OVOL2: variants seen among roughly 807,000 people sequenced by gnomAD.
OVOL2 encodes ovo like zinc finger 2.
In OVOL2, 13 loss-of-function variants were observed where a neutral mutation model predicts 18.1. That is an observed-to-expected ratio of 0.72 (90% CI 0.47 to 1.14). OVOL2 has a LOEUF of 1.14. Among genes scored for constraint, OVOL2 ranks in the 50% most tolerant of loss-of-function variants. The probability of loss-of-function intolerance (pLI) is 0.00; values close to 1 mark genes in which losing one functional copy is unlikely to be tolerated. For missense variants in OVOL2, 335 were observed against 383.0 expected, an observed-to-expected ratio of 0.87 and a Z score of 1.05; for synonymous variants, 166 against 162.7, an observed-to-expected ratio of 1.02 and a Z score of -0.16.
At chr20:18,032,384 G>T (rs73094958) in intron 3 of OVOL2, among the ~76,000 whole-genome samples, 3 of 148,808 alleles carry the variant, frequency 2.0e-5, no homozygotes, top group Non-Finnish European at 3.0e-5. Flanking sequence ...GAAGGAGGAA[G>T]GAAGGAAGGA....
At position 18,057,649 on chromosome 20, in the gene OVOL2, T is replaced by C; in HGVS notation, c.-15A>G. On this transcript the variant is annotated 5_prime_UTR_variant, in exon 1 of 4. Transcript: ENST00000278780. This position sits in a 1 kb window ranked among gnomAD's most constrained non-coding sequence, Gnocchi z 6.3. The stretch of plus-strand genomic sequence containing the variant: ...ACTTTGGGCATGGTGGGGTCCCCTC[T>C]CCCGACTGCGGCCCCCTCCTCCCGG... 6.4e-7 allele frequency: 1 copy of C among 1,557,556 alleles called. No individual in the cohort carries two copies. The highest frequency in any genetic ancestry group is 8.7e-7 in the Non-Finnish European group (1 of 1,150,922).
rs11466923 is a variant in OVOL2 at position 18,034,626 on chromosome 20, T to TTCTCTCTCTCTCTC, written c.511+6894_511+6907dup. On this transcript the variant is annotated intron_variant, in intron 3 of 3. Transcript: ENST00000278780. ...TTTAACTAACACTCCCTTCCCCTCT[T>TTCTCTCTCTCTCTC]TCTCTCTCTCTCTCTCTCTCTCTCT... Among the ~76,000 whole-genome samples, 601 of 137,936 alleles carry TTCTCTCTCTCTCTC rather than the reference T, an allele frequency of 4.4e-3. 3 individuals carry two copies. The highest frequency in any genetic ancestry group is 0.014 in the African/African-American group (504 of 34,804). The allele number at this position is 137,936 out of a possible 152,430, so 90.5% of individuals were successfully genotyped here.
chr20:18,031,506 G>A (rs1009150199), intron 3 of OVOL2, among the ~76,000 whole-genome samples: 22 of 152,288 alleles, frequency 1.4e-4, no homozygotes, highest in African/African-American at 5.3e-4. Flanking sequence ...GAATCTGGGA[G>A]GCAGAGGTTG....
intron 3 of OVOL2, among the ~76,000 whole-genome samples, chr20:18,037,532 T>C (rs1036413969): frequency 9.8e-5 from 15 of 152,362 alleles, no homozygotes; most frequent in African/African-American, 3.1e-4. Flanking sequence ...TGCTAAATCT[T>C]CTGCCTCCCA....
chr20:18,039,607 C>CAAAAAA (rs111619803), intron 3 of OVOL2, among the ~76,000 whole-genome samples: 2 of 87,024 alleles, frequency 2.3e-5, no homozygotes, highest in Non-Finnish European at 4.9e-5. Context: ...GACGCTGTCT[C>CAAAAAA]AAAAAAAAAA....
At chr20:18,053,428 C>T (rs1024895095) in intron 2 of OVOL2, among the ~76,000 whole-genome samples, 15 of 152,132 alleles carry the variant, frequency 9.9e-5, no homozygotes, top group Admixed American at 2.0e-4. Context: ...TGGCAGGGCG[C>T]GGTGGCTCAC....
chr20:18,030,160 A>G (rs916165392), intron 3 of OVOL2, among the ~76,000 whole-genome samples: 2 of 152,226 alleles, frequency 1.3e-5, no homozygotes, highest in Non-Finnish European at 2.9e-5. Context: ...CTCCTAAGGA[A>G]TGCGCCCGCT....
intron 3 of OVOL2, among the ~76,000 whole-genome samples, chr20:18,031,146 C>T (rs2036566419): frequency 6.6e-6 from 1 of 152,192 alleles, no homozygotes; most frequent in East Asian, 1.9e-4. Context: ...CTACTGACAC[C>T]CACACGACTG....
intron 3 of OVOL2, among the ~76,000 whole-genome samples, chr20:18,027,602 T>C (rs1024145596): frequency 1.3e-5 from 2 of 151,946 alleles, no homozygotes; most frequent in African/African-American, 4.8e-5. Flanking sequence ...GGTTTTTTTG[T>C]TTTTTGTTTT....
In OVOL2 at chr20:18,024,606, T is replaced by G; in HGVS notation, c.*30A>C. The G allele has an allele frequency of 1.3e-6, 2 of 1,534,894 alleles. No individual in the cohort carries two copies. The highest frequency in any genetic ancestry group is 1.8e-6 in the Non-Finnish European group (2 of 1,137,220). ...AAATCCACGTAGACATACGTGGCAG[T>G]GTGAACGTCTGTCCTCCCCTTCCTT... On this transcript the variant is annotated 3_prime_UTR_variant, in exon 4 of 4. Coordinates refer to ENST00000278780, the MANE Select transcript of OVOL2 (RefSeq NM_021220.4).
chr20:18,041,156 T>C (rs932659090), intron 3 of OVOL2, among the ~76,000 whole-genome samples: 10 of 149,888 alleles, frequency 6.7e-5, no homozygotes, highest in African/African-American at 2.5e-4. Flanking sequence ...CATCATCTTG[T>C]GATCTTTCTT....
At chr20:18,052,585 G>A (rs949060317) in intron 2 of OVOL2, among the ~76,000 whole-genome samples, 2 of 152,168 alleles carry the variant, frequency 1.3e-5, no homozygotes, top group Non-Finnish European at 1.5e-5. Context: ...CTTTGAGATT[G>A]TAAATAATAC....
chr20:18,058,316 G>C (rs896571260), upstream of OVOL2, among the ~76,000 whole-genome samples: 1 of 152,016 alleles, frequency 6.6e-6, no homozygotes, highest in Non-Finnish European at 1.5e-5. Context: ...CGGTCAGAAG[G>C]GGGAGGCGGC....
upstream of OVOL2, among the ~76,000 whole-genome samples, chr20:18,058,111 C>G (rs1160580478): frequency 6.6e-6 from 1 of 152,182 alleles, no homozygotes; most frequent in African/African-American, 2.4e-5. Flanking sequence ...GCCCCATTCC[C>G]CCATCACCTG....
rs889858739 is a variant in OVOL2, at chr20:18,056,063, A to G, written c.321+594T>C. Among the ~76,000 whole-genome samples the G allele has an allele frequency of 4.6e-5, 7 of 152,198 alleles. No homozygotes were observed. The highest frequency in any genetic ancestry group is 1.7e-4 in the African/African-American group (7 of 41,454). ...TGTAGTTGAACCCTTTTACCCATCA[A>G]TTTAATTCAAGATTGGAAAGATGAC... is the stretch of plus-strand genomic sequence containing the variant. On this transcript the variant is annotated intron_variant, in intron 2 of 3. Coordinates refer to ENST00000278780, the MANE Select transcript of OVOL2 (RefSeq NM_021220.4). The surrounding 1 kb of genome is among the most constrained non-coding windows in gnomAD (Gnocchi z 4.2).
chr20:18,035,072 T>A (rs543697147), intron 3 of OVOL2, among the ~76,000 whole-genome samples: 1 of 152,304 alleles, frequency 6.6e-6, no homozygotes, highest in South Asian at 2.1e-4. Context: ...ATGTTAAGTG[T>A]CTATATCTTT....
chr20:18,041,374 A>G (rs529639468), intron 3 of OVOL2, among the ~76,000 whole-genome samples, 160 bp downstream of exon 3: 30 of 152,308 alleles, frequency 2.0e-4, no homozygotes, highest in African/African-American at 7.0e-4. Context: ...TATGTTGGCC[A>G]GGCTGGTCTC....
chr20:18,036,864 C>T (rs1422864752), intron 3 of OVOL2, among the ~76,000 whole-genome samples: 3 of 152,238 alleles, frequency 2.0e-5, no homozygotes, highest in Admixed American at 1.3e-4. Flanking sequence ...AGGCCGGGCG[C>T]GGTGGCTCAC....
rs1215716926 is a variant in OVOL2 at position 18,024,453 on chromosome 20, C to A, written c.*183G>T. 19 of 1,319,620 alleles carry A rather than the reference C, an allele frequency of 1.4e-5. No individual in the cohort carries two copies. The highest frequency in any genetic ancestry group is 1.9e-5 in the Non-Finnish European group (19 of 1,000,562). 81.7% of individuals were successfully genotyped at this position (1,319,620 alleles called of 1,614,324 possible). A position where few individuals can be genotyped will look rare whatever the true frequency, so the allele number is the denominator to read the frequency against. ...CCAGACAGGACACAGGTTACAGGGC[C>A]TGACGTCACTAACGGCAACTGACAA... On this transcript the variant is annotated 3_prime_UTR_variant, in exon 4 of 4. Coordinates refer to ENST00000278780, the MANE Select transcript of OVOL2 (RefSeq NM_021220.4).
Sources: allele counts gnomAD v4.1 joint callset (sites outside exome capture counted in the v4.1 genomes callset), GRCh38; gene constraint gnomAD v4.1.1; non-coding constraint Gnocchi (gnomAD v3.1); transcripts MANE v1.5; gene names NCBI Gene and HGNC (gene_info 2026-07-23, HGNC 2026-07-21).